Variants in HECW1 observed in about 807,000 individuals in gnomAD.
HECW1 encodes the protein HECT, C2 and WW domain containing E3 ubiquitin protein ligase 1.
In HECW1, 61 loss-of-function variants were observed where a neutral mutation model predicts 182.3. The ratio of observed to expected loss-of-function variants is 0.33; its 90% CI spans 0.27 to 0.41. The LOEUF (loss-of-function observed/expected upper bound fraction) is 0.41, where lower values mean the gene tolerates loss of function less well. HECW1 is among the 10% of genes least tolerant of loss of function. The pLI is 1.00. For missense variants in HECW1, 1,739 were observed against 2,108.9 expected, an observed-to-expected ratio of 0.82 and a Z score of 3.44; for synonymous variants, 859 against 832.6, an observed-to-expected ratio of 1.03 and a Z score of -0.55.
At chr7:43,323,272 A>G (rs931819823) in intron 5 of HECW1, among the ~76,000 whole-genome samples, 1 of 152,220 alleles carries the variant, frequency 6.6e-6, no homozygotes, top group African/African-American at 2.4e-5. Flanking sequence ...CCTCATGGGC[A>G]GTATGAAAAC....
intron 26 of HECW1, among the ~76,000 whole-genome samples, chr7:43,548,062 G>A (rs773545853): frequency 1.1e-4 from 17 of 152,140 alleles, no homozygotes; most frequent in African/African-American, 2.7e-4. Context: ...ATTTAATACC[G>A]CATTTTGATG....
intron 2 of HECW1, among the ~76,000 whole-genome samples, chr7:43,159,966 A>G (rs1790360885): frequency 6.6e-6 from 1 of 152,210 alleles, no homozygotes; most frequent in South Asian, 2.1e-4. Context: ...GGCGTGAGCC[A>G]CCGCGCCCAG....
chr7:43,203,092 G>A (rs975931462), intron 2 of HECW1, among the ~76,000 whole-genome samples: 4 of 152,208 alleles, frequency 2.6e-5, no homozygotes, highest in South Asian at 2.1e-4. Flanking sequence ...ACACGGACGC[G>A]CGTGACACTC....
intron 2 of HECW1, among the ~76,000 whole-genome samples, chr7:43,207,338 A>G (rs1795575702): frequency 6.6e-6 from 1 of 152,122 alleles, no homozygotes; most frequent in Non-Finnish European, 1.5e-5. Context: ...GAGCCACCGC[A>G]CGCCGCCTAA....
rs191420647 is a variant in HECW1, at chr7:43,243,748, C to T, written c.-31-127C>T. 3.6e-5 allele frequency: 26 copies of T among 728,298 alleles called. No individual in the cohort carries two copies. The East Asian group carries it at 5.9e-4, about 17-fold the overall frequency. The allele number at this position is 728,298 out of a possible 1,614,324, so 45.1% of individuals were successfully genotyped here. On this transcript the variant is annotated intron_variant, in intron 2 of 29. Transcript: ENST00000395891. This position sits in a 1 kb window ranked among gnomAD's most constrained non-coding sequence, Gnocchi z 4.0. ...GGTCCTTGTGTGATTTTTCCTTTTG[C>T]ACGTCGGTTGCCCAGGCCAGGTATC...
chr7:43,362,425 C>A (rs1448449475), intron 6 of HECW1, among the ~76,000 whole-genome samples: 1 of 152,174 alleles, frequency 6.6e-6, no homozygotes, highest in South Asian at 2.1e-4. Flanking sequence ...GGCACATGTG[C>A]TTTTGACGGC....
chr7:43,445,129 A>G lies in HECW1; in HGVS notation c.1957A>G (p.Ser653Gly). The G allele has an allele frequency of 6.2e-7, 1 of 1,609,416 alleles. No individual in the cohort carries two copies. Among genetic ancestry groups the G allele is most frequent in the Non-Finnish European group, 8.5e-7 (1 of 1,178,818 alleles). ...GGCCCAGGATGGCGACACGCACCCCAGCACCGGGAGCGAGAGCGACTCCAG... is the reference window on the plus strand; with the variant it reads ...GGCCCAGGATGGCGACACGCACCCCGGCACCGGGAGCGAGAGCGACTCCAG... ...GAAQDGDTHP[S>G]TGSESDSSPR... is the part of the protein sequence containing the mutation. Residue 653 changes from serine (S) to glycine (G), a missense_variant, in exon 11 of 30, where the codon AGC (serine) becomes GGC (glycine). Around this residue, in one of 5 missense-constraint regions of HECW1, gnomAD observed 971 missense variants for 1,029.1 expected, o/e 0.94. Coordinates refer to ENST00000395891, the MANE Select transcript of HECW1 (RefSeq NM_015052.5).
chr7:43,252,119 C>T (rs1362113612), intron 3 of HECW1, among the ~76,000 whole-genome samples: 2 of 152,180 alleles, frequency 1.3e-5, no homozygotes, highest in Admixed American at 6.5e-5. Context: ...CATACACCTG[C>T]GAGCCCTCTA....
chr7:43,560,982 C>T (rs1462291045), intron 29 of HECW1, among the ~76,000 whole-genome samples: 1 of 152,194 alleles, frequency 6.6e-6, no homozygotes, highest in African/African-American at 2.4e-5. Flanking sequence ...TCGGCATCAG[C>T]CAAAGTTTCT....
intron 12 of HECW1, 91 bp from the exon 13 acceptor site, chr7:43,456,206 C>G (rs2077397404): frequency 7.5e-7 from 1 of 1,337,628 alleles, no homozygotes; most frequent in Non-Finnish European, 1.0e-6. Flanking sequence ...ATGGTGAGTT[C>G]TACCTGCAGA....
chr7:43,270,809 A>G (rs1802314729), intron 3 of HECW1, among the ~76,000 whole-genome samples: 1 of 152,258 alleles, frequency 6.6e-6, no homozygotes, highest in East Asian at 1.9e-4. Flanking sequence ...TATGGTAGAT[A>G]TCAATAGATT....
At chr7:43,298,797 C>A (rs1195051629) in intron 3 of HECW1, among the ~76,000 whole-genome samples, 1 of 152,194 alleles carries the variant, frequency 6.6e-6, no homozygotes, top group Non-Finnish European at 1.5e-5. Flanking sequence ...GTCTCCGTTG[C>A]CACCACTTAC....
intron 15 of HECW1, among the ~76,000 whole-genome samples, chr7:43,468,380 G>A (rs2077875638): frequency 6.6e-6 from 1 of 152,186 alleles, no homozygotes; most frequent in Non-Finnish European, 1.5e-5. Context: ...AGGCCAAGGA[G>A]AGCCAGGCAT....
chr7:43,222,291 C>T (rs2152703570), intron 2 of HECW1, among the ~76,000 whole-genome samples: 1 of 152,316 alleles, frequency 6.6e-6, no homozygotes, highest in East Asian at 1.9e-4. Context: ...AAGCCGAATA[C>T]TCATGAACCA....
Position 43,360,933 on chromosome 7 carries a change from C to T in HECW1, c.508C>T (p.Leu170=). Reference sequence around the variant, plus strand: ...ATACTACCATGGAGTGAGTGGGGCCCTGCGAGCAACCACCCCCAGTGTCAC... The same window carrying T: ...ATACTACCATGGAGTGAGTGGGGCCTTGCGAGCAACCACCCCCAGTGTCAC... The part of the protein sequence containing the change: ...FKYYHGVSGA[L]RATTPSVTVK... The change falls in exon 6 of 30, where the codon CTG becomes TTG. Residue 170 remains leucine, a synonymous_variant. Coordinates refer to ENST00000395891, the MANE Select transcript of HECW1 (RefSeq NM_015052.5). 1 of 1,613,804 alleles carries T rather than the reference C, an allele frequency of 6.2e-7. No homozygotes were observed. The highest frequency in any genetic ancestry group is 1.3e-5 in the African/African-American group (1 of 75,002).
At position 43,432,162 on chromosome 7, in the gene HECW1, C is replaced by T. The variant is rs180801871; in HGVS notation, c.802-5841C>T. On this transcript the variant is annotated intron_variant, in intron 8 of 29. Transcript: ENST00000395891. This position sits in a 1 kb window ranked among gnomAD's most constrained non-coding sequence, Gnocchi z 4.1. ...TTTTATTTCTTTTTTTTTTTTGAGACGGAGTCTCGCTCTGTCGCCCGGGCT... is the reference window on the plus strand; with the variant it reads ...TTTTATTTCTTTTTTTTTTTTGAGATGGAGTCTCGCTCTGTCGCCCGGGCT... Among the ~76,000 whole-genome samples, 1,606 of 141,258 alleles carry T rather than the reference C, an allele frequency of 0.011. 36 individuals carry two copies. Among genetic ancestry groups the T allele is most frequent in the African/African-American group, 0.041 (1,540 of 37,158 alleles). The allele number at this position is 141,258 out of a possible 152,430, so 92.7% of individuals were successfully genotyped here.
At position 43,127,467 on chromosome 7, in the gene HECW1, A is replaced by G. The variant is rs545139260; in HGVS notation, c.-32+13076A>G. On this transcript the variant is annotated intron_variant, in intron 2 of 29. Transcript: ENST00000395891. ...GAACCTGGGAGGCAGAGGTTGCGGTAAGCCGAGATTGCACCACTGCACTCC... is the reference window on the plus strand; with the variant it reads ...GAACCTGGGAGGCAGAGGTTGCGGTGAGCCGAGATTGCACCACTGCACTCC... 1.3e-4 allele frequency among the ~76,000 whole-genome samples: 19 copies of G among 147,114 alleles called. No individual in the cohort carries two copies. In the South Asian group the frequency reaches 1.5e-3, roughly 12 times the overall value.
In HECW1 at chr7:43,114,273, C is replaced by T. The variant is rs1449943012; in HGVS notation, c.-150C>T. ...AAACGCGATTTAGGAGGGCAGATGCCCTACCCGAAAAGGCCAACCGTTAAA... is the reference window on the plus strand; with the variant it reads ...AAACGCGATTTAGGAGGGCAGATGCTCTACCCGAAAAGGCCAACCGTTAAA... On this transcript the variant is annotated 5_prime_UTR_variant, in exon 2 of 30. Transcript: ENST00000395891. 7.3e-7 allele frequency: 1 copy of T among 1,364,024 alleles called. No homozygotes were observed. The highest frequency in any genetic ancestry group is 2.2e-5 in the Admixed American group (1 of 45,760). The allele number at this position is 1,364,024 out of a possible 1,614,324, so 84.5% of individuals were successfully genotyped here.
intron 29 of HECW1, among the ~76,000 whole-genome samples, chr7:43,560,445 G>T (rs1355118251): frequency 1.3e-5 from 2 of 152,140 alleles, no homozygotes; most frequent in Non-Finnish European, 2.9e-5. Flanking sequence ...AGCTTGAGCG[G>T]GGAAAGGGAC....
Sources: allele counts gnomAD v4.1 joint callset (sites outside exome capture counted in the v4.1 genomes callset), GRCh38; gene constraint gnomAD v4.1.1; regional missense constraint gnomAD v4.1.1; non-coding constraint Gnocchi (gnomAD v3.1); transcripts MANE v1.5; gene names NCBI Gene and HGNC (gene_info 2026-07-23, HGNC 2026-07-21).